The following SRPK1 variants were observed in gnomAD, a reference collection of about 807,000 sequenced individuals.
The protein encoded by SRPK1 is SRSF protein kinase 1, also known as SFRS protein kinase 1.
SRPK1 carries 52 observed loss-of-function variants against 89.5 expected under a neutral mutation model. That is an observed-to-expected ratio of 0.58 (90% confidence interval 0.46 to 0.73). SRPK1 has a LOEUF of 0.73. Ranked by LOEUF, SRPK1 falls within the 30% of genes least tolerant of loss-of-function variation. The pLI is 0.00. For missense variants in SRPK1, 603 were observed against 780.6 expected (o/e 0.77, Z 2.71); for synonymous variants, 255 against 270.2 (o/e 0.94, Z 0.55).
At chr6:35,920,132 A>G (rs1291806175) in intron 2 of SRPK1, 2 of 489,898 alleles carry the variant, frequency 4.1e-6, no homozygotes, top group African/African-American at 1.9e-5. Flanking sequence ...TCAGAAACAG[A>G]CCGATAATGA....
intron 6 of SRPK1, among the ~76,000 whole-genome samples, chr6:35,880,746 A>AAAAGAAAG (rs1770263740): frequency 2.7e-4 from 24 of 89,198 alleles, no homozygotes; most frequent in South Asian, 9.4e-4. Context: ...AAAAAAAAAA[A>AAAAGAAAG]AAAAGAAAAG....
intron 14 of SRPK1, among the ~76,000 whole-genome samples, chr6:35,839,402 C>CA (rs1769254399): frequency 6.6e-6 from 1 of 152,236 alleles, no homozygotes; most frequent in Non-Finnish European, 1.5e-5. Flanking sequence ...AGCTAAAACT[C>CA]AGATGAAAAC....
At chr6:35,837,809 TG>T (rs1338111135) in intron 15 of SRPK1, among the ~76,000 whole-genome samples, 4 of 151,632 alleles carry the variant, frequency 2.6e-5, no homozygotes, top group African/African-American at 9.7e-5. Context: ...CCTCCTGCCT[TG>T]GACTCCCAAA....
Position 35,862,598 on chromosome 6 carries a change from A to C in SRPK1, c.1513-5230T>G, listed in dbSNP as rs539101005. ...AATGTGCAGATATCAACGGAAGGACACAGAAAACATAAATAAACAAGTAAA... is the reference window on the plus strand; with the variant it reads ...AATGTGCAGATATCAACGGAAGGACCCAGAAAACATAAATAAACAAGTAAA... On this transcript the variant is annotated intron_variant, in intron 12 of 15. Transcript: ENST00000373825. 5.4e-4 allele frequency among the ~76,000 whole-genome samples: 83 copies of C among 152,352 alleles called. No homozygotes were observed. The South Asian group carries it at 0.014, about 27-fold the overall frequency.
Position 35,835,319 on chromosome 6 carries a change from A to T in SRPK1, c.1953T>A (p.Pro651=). Residue 651 remains proline (P), a synonymous_variant, in exon 16 of 16, where the codon CCT becomes CCA. Coordinates refer to ENST00000373825, the MANE Select transcript of SRPK1 (RefSeq NM_003137.5). ...GGGCAGGGGCTTAGGAGTTAAGCCA[A>T]GGGTGCCGGAGACACTCGGCGGCAG... ...RATAAECLRH[P]WLNS 2 of 1,613,558 alleles carry T rather than the reference A, an allele frequency of 1.2e-6. No homozygotes were observed. The highest frequency in any genetic ancestry group is 1.7e-6 in the Non-Finnish European group (2 of 1,179,702).
At chr6:35,909,683 G>T (rs1311124584) in intron 2 of SRPK1, among the ~76,000 whole-genome samples, 1 of 152,224 alleles carries the variant, frequency 6.6e-6, no homozygotes, top group Non-Finnish European at 1.5e-5. Flanking sequence ...CGTGGGAGGT[G>T]ATCAGATCAT....
intron 2 of SRPK1, among the ~76,000 whole-genome samples, chr6:35,917,831 A>G (rs531354021): frequency 6.6e-6 from 1 of 152,342 alleles, no homozygotes; most frequent in South Asian, 2.1e-4. Flanking sequence ...ATCAGTTTTC[A>G]CTATGACTGA....
intron 2 of SRPK1, among the ~76,000 whole-genome samples, chr6:35,908,642 T>C (rs528779882): frequency 1.3e-5 from 2 of 152,170 alleles, no homozygotes; most frequent in Admixed American, 1.3e-4. Flanking sequence ...AGAATAAAAG[T>C]TTGGGAAATG....
intron 13 of SRPK1, among the ~76,000 whole-genome samples, chr6:35,849,756 C>CAGTA (rs1769513580): frequency 6.6e-6 from 1 of 152,162 alleles, no homozygotes; most frequent in African/African-American, 2.4e-5. Context: ...AATGTTCAGC[C>CAGTA]AGTATGTATT....
intron 15 of SRPK1, among the ~76,000 whole-genome samples, chr6:35,837,747 A>G (rs9470125): frequency 0.31 from 47,669 of 151,724 alleles, 7,675 homozygotes; most frequent in South Asian, 0.42. Flanking sequence ...TTGTAGAGAC[A>G]GGGTTTTCCT....
At chr6:35,850,241 C>G (rs1769524605) in intron 13 of SRPK1, among the ~76,000 whole-genome samples, 1 of 152,120 alleles carries the variant, frequency 6.6e-6, no homozygotes, top group South Asian at 2.1e-4. Context: ...GGCTTTGAAA[C>G]TCATTTCAAA....
chr6:35,838,838 T>G, intron 14 of SRPK1: 2 of 1,357,760 alleles, frequency 1.5e-6, no homozygotes, highest in Non-Finnish European at 2.0e-6. Flanking sequence ...AAGGACAAGC[T>G]GTAAAAGAGG....
intron 2 of SRPK1, among the ~76,000 whole-genome samples, chr6:35,912,424 G>A (rs2127268938): frequency 6.6e-6 from 1 of 152,298 alleles, no homozygotes; most frequent in South Asian, 2.1e-4. Context: ...GGGCTCAGAT[G>A]ATCCTTAACA....
chr6:35,860,860 A>T (rs1268280571), intron 12 of SRPK1, among the ~76,000 whole-genome samples: 1 of 152,170 alleles, frequency 6.6e-6, no homozygotes, highest in Admixed American at 6.6e-5. Flanking sequence ...TTAGGTGTTC[A>T]GGGGAAGAGC....
intron 12 of SRPK1, among the ~76,000 whole-genome samples, chr6:35,859,091 G>C (rs1432153951): frequency 1.3e-5 from 2 of 152,176 alleles, no homozygotes; most frequent in African/African-American, 2.4e-5. Flanking sequence ...TTCAGCTGAG[G>C]ATAGCCTTAG....
At chr6:35,906,010 C>T (rs1486210710) in intron 2 of SRPK1, among the ~76,000 whole-genome samples, 1 of 152,138 alleles carries the variant, frequency 6.6e-6, no homozygotes, top group African/African-American at 2.4e-5. Context: ...CCATTTCCCA[C>T]TAAAAGGCTT....
chr6:35,863,502 AT>A (rs886564500), intron 12 of SRPK1, among the ~76,000 whole-genome samples: 13 of 150,500 alleles, frequency 8.6e-5, no homozygotes, highest in African/African-American at 1.9e-4. Flanking sequence ...TGAATAAATA[AT>A]TTTTTTTTCA....
At chr6:35,887,471 G>C (rs1346802393) in intron 5 of SRPK1, among the ~76,000 whole-genome samples, 3 of 152,108 alleles carry the variant, frequency 2.0e-5, no homozygotes, top group Non-Finnish European at 2.9e-5. Context: ...GGACATACCG[G>C]GGTAAAGGCG....
chr6:35,869,384 A>G, intron 11 of SRPK1, 98 bp downstream of exon 11: 1 of 1,414,758 alleles, frequency 7.1e-7, no homozygotes, highest in Non-Finnish European at 9.7e-7. Flanking sequence ...CACCTGTTGT[A>G]AAGCTATAGT....
Sources: gnomAD v4.1 joint callset for allele counts (sites outside exome capture counted in the v4.1 genomes callset) on GRCh38, gnomAD v4.1.1 for gene constraint, MANE v1.5 for transcripts, NCBI Gene and HGNC (gene_info 2026-07-23, HGNC 2026-07-21) for gene names.